GRID1: variants seen among roughly 807,000 people sequenced by gnomAD.
The protein encoded by GRID1 is glutamate receptor ionotropic, delta-1.
In GRID1, 28 loss-of-function variants were observed where a neutral mutation model predicts 98.0. The observed-to-expected ratio is 0.29, with a 90% CI of 0.21 to 0.39. The LOEUF (loss-of-function observed/expected upper bound fraction) is 0.39, where lower values mean the gene tolerates loss of function less well. Ranked by LOEUF, GRID1 falls within the 10% of genes least tolerant of loss-of-function variation. The probability of loss-of-function intolerance (pLI) is 1.00; values close to 1 mark genes in which losing one functional copy is unlikely to be tolerated. For missense variants in GRID1, 1,111 were observed against 1,340.5 expected, an observed-to-expected ratio of 0.83 and a Z score of 2.67; for synonymous variants, 553 against 538.5, an observed-to-expected ratio of 1.03 and a Z score of -0.37.
At chr10:86,334,426 G>A (rs1052046021) in intron 2 of GRID1, among the ~76,000 whole-genome samples, 6 of 152,024 alleles carry the variant, frequency 3.9e-5, no homozygotes, top group African/African-American at 1.5e-4. Flanking sequence ...CCCCAAGGTT[G>A]CCCTAAGCAA....
Position 86,004,016 on chromosome 10 carries a change from GAAA to G in GRID1, c.727-87780_727-87778del, listed in dbSNP as rs1842830848. On this transcript the variant is annotated intron_variant, in intron 4 of 15. Coordinates refer to ENST00000327946, the MANE Select transcript of GRID1 (RefSeq NM_017551.3). ...CTTGCAGCAGAGCAACAGGAAGAAG[GAAA>G]CTGTGCACAGGAATCCAATCAACAG... Among the ~76,000 whole-genome samples the G allele has an allele frequency of 2.0e-5, 3 of 152,312 alleles. No homozygotes were observed. The South Asian group carries it at 6.2e-4, about 32-fold the overall frequency.
chr10:85,768,933 T>C (rs1282141574), intron 8 of GRID1, among the ~76,000 whole-genome samples: 2 of 152,246 alleles, frequency 1.3e-5, no homozygotes, highest in Non-Finnish European at 2.9e-5. Context: ...TGAATTAATA[T>C]ATGGTCAAAG....
rs1324552652 is a variant in GRID1 at position 85,607,936 on chromosome 10, G to A, written c.2602-5235C>T. On this transcript the variant is annotated intron_variant, in intron 15 of 15. Coordinates refer to ENST00000327946, the MANE Select transcript of GRID1 (RefSeq NM_017551.3). ...GGGCTCAAGCAATCCTCTTGCCTCAGCCTCCTGAGTAGCTCGGACTACAGT... is the reference window on the plus strand; with the variant it reads ...GGGCTCAAGCAATCCTCTTGCCTCAACCTCCTGAGTAGCTCGGACTACAGT... 2.0e-5 allele frequency among the ~76,000 whole-genome samples: 3 copies of A among 151,586 alleles called. No individual in the cohort carries two copies. The East Asian group carries it at 5.9e-4, about 30-fold the overall frequency.
chr10:85,878,821 C>A (rs1467953508), intron 5 of GRID1, among the ~76,000 whole-genome samples: 3 of 151,774 alleles, frequency 2.0e-5, no homozygotes, highest in Non-Finnish European at 4.4e-5. Context: ...AAGACACAGA[C>A]TGGCAAATTG....
chr10:85,876,670 G>C (rs944760172), intron 5 of GRID1, among the ~76,000 whole-genome samples: 1 of 152,196 alleles, frequency 6.6e-6, no homozygotes, highest in Non-Finnish European at 1.5e-5. Flanking sequence ...ACAGCTCCCA[G>C]CGTGAGTGAC....
At chr10:86,340,493 G>C (rs1410554813) in intron 2 of GRID1, among the ~76,000 whole-genome samples, 1 of 152,154 alleles carries the variant, frequency 6.6e-6, no homozygotes, top group Non-Finnish European at 1.5e-5. Flanking sequence ...CCTCCTCTGA[G>C]GCAAGAAGCC....
chr10:86,123,189 CAGG>C (rs904350512), intron 4 of GRID1, among the ~76,000 whole-genome samples: 20 of 152,148 alleles, frequency 1.3e-4, no homozygotes, highest in Non-Finnish European at 2.8e-4. Context: ...TACTGGGTCA[CAGG>C]AGGAGAAGGG....
At chr10:86,148,197 G>T (rs1209766706) in intron 3 of GRID1, among the ~76,000 whole-genome samples, 1 of 152,212 alleles carries the variant, frequency 6.6e-6, no homozygotes, top group Non-Finnish European at 1.5e-5. Flanking sequence ...CTCTGCAATA[G>T]CCAAGACAGG....
chr10:85,613,234 A>T, intron 15 of GRID1, 173 bp downstream of exon 15: 1 of 683,508 alleles, frequency 1.5e-6, no homozygotes, highest in Non-Finnish European at 2.4e-6. Flanking sequence ...TTTCTTCTCT[A>T]GTTTTAAAAA....
rs79351439 is a variant in GRID1 at position 86,255,181 on chromosome 10, C to A, written c.236-48533G>T. Among the ~76,000 whole-genome samples, 1,183 of 152,356 alleles carry A rather than the reference C, an allele frequency of 7.8e-3. 17 individuals are homozygous for A. Among genetic ancestry groups the A allele is most frequent in the African/African-American group, 0.027 (1,124 of 41,578 alleles). On this transcript the variant is annotated intron_variant, in intron 2 of 15. Coordinates refer to ENST00000327946, the MANE Select transcript of GRID1 (RefSeq NM_017551.3). ...AAGAAGGGCGTGCAAAGAAGCAAGC[C>A]AAGATGCAAACATGCTTTTCTTTTC...
intron 2 of GRID1, among the ~76,000 whole-genome samples, chr10:86,263,208 T>C (rs889994103): frequency 6.6e-6 from 1 of 152,236 alleles, no homozygotes; most frequent in African/African-American, 2.4e-5. Flanking sequence ...AATCTGACAT[T>C]ACACCCCCTG....
chr10:86,180,752 C>A (rs1284841703), intron 3 of GRID1, among the ~76,000 whole-genome samples: 2 of 152,148 alleles, frequency 1.3e-5, no homozygotes, highest in African/African-American at 4.8e-5. Flanking sequence ...AGGGCCTGCT[C>A]CACCACCTGC....
chr10:85,999,627 T>C (rs1764169853), intron 4 of GRID1, among the ~76,000 whole-genome samples: 1 of 152,204 alleles, frequency 6.6e-6, no homozygotes, highest in Non-Finnish European at 1.5e-5. Context: ...GTCATGGCCA[T>C]GTTGGATTTA....
At chr10:86,218,371 GT>G in intron 2 of GRID1, among the ~76,000 whole-genome samples, 1 of 152,042 alleles carries the variant, frequency 6.6e-6, no homozygotes, top group East Asian at 1.9e-4. Context: ...GCCCTCAGCT[GT>G]CTAGTCTCTC....
chr10:86,131,464 G>A (rs528848842), intron 4 of GRID1, among the ~76,000 whole-genome samples: 5 of 152,232 alleles, frequency 3.3e-5, no homozygotes, highest in Admixed American at 1.3e-4. Context: ...ACTCTGCTCC[G>A]CTATTTAATG....
At chr10:86,341,400 C>G (rs949978309) in intron 2 of GRID1, among the ~76,000 whole-genome samples, 2 of 152,046 alleles carry the variant, frequency 1.3e-5, no homozygotes, top group Non-Finnish European at 2.9e-5. Flanking sequence ...TGGGTACTTA[C>G]GCGGGTGCCC....
intron 4 of GRID1, among the ~76,000 whole-genome samples, chr10:86,103,822 G>C (rs992997598): frequency 5.9e-5 from 9 of 152,184 alleles, no homozygotes; most frequent in Non-Finnish European, 1.5e-5. Flanking sequence ...GAGAGAGAGA[G>C]AGAATCATTA....
intron 4 of GRID1, among the ~76,000 whole-genome samples, chr10:86,030,353 C>T (rs894317393): frequency 6.6e-6 from 1 of 152,172 alleles, no homozygotes; most frequent in African/African-American, 2.4e-5. Context: ...GGAAAGATTC[C>T]CCAAAGGTTA....
chr10:85,786,273 C>G (rs888988479), intron 8 of GRID1, among the ~76,000 whole-genome samples: 1 of 152,188 alleles, frequency 6.6e-6, no homozygotes, highest in Non-Finnish European at 1.5e-5. Flanking sequence ...TCATTAGGCA[C>G]CAACCACACA....
Sources: gnomAD v4.1 joint callset for allele counts (sites outside exome capture counted in the v4.1 genomes callset) on GRCh38, gnomAD v4.1.1 for gene constraint, MANE v1.5 for transcripts, NCBI Gene and HGNC (gene_info 2026-07-23, HGNC 2026-07-21) for gene names.